The following PCDHGA4 variants were observed in gnomAD, a reference collection of about 807,000 sequenced individuals.
The protein encoded by PCDHGA4 is protocadherin gamma-A4.
Under a neutral mutation model 54.6 loss-of-function variants are expected in PCDHGA4, and 38 were observed. The observed-to-expected ratio is 0.70, with a 90% CI of 0.54 to 0.91. The LOEUF is 0.91. Ranked by LOEUF, PCDHGA4 falls within the 40% of genes least tolerant of loss-of-function variation. The pLI is 0.00. For missense variants in PCDHGA4, 1,298 were observed against 1,220.9 expected (o/e 1.06, Z -0.94); for synonymous variants, 511 against 512.9 (o/e 1.00, Z 0.05).
intron 1 of PCDHGA4, among the ~76,000 whole-genome samples, chr5:141,439,459 A>ACTG (rs1234039449): frequency 6.6e-6 from 1 of 152,222 alleles, no homozygotes; most frequent in Non-Finnish European, 1.5e-5. Flanking sequence ...GCAAGACTGC[A>ACTG]CTGCTGCCTT....
Position 141,511,229 on chromosome 5 carries a change from T to G in PCDHGA4, c.*56T>G. 6.3e-7 allele frequency: 1 copy of G among 1,598,500 alleles called. No homozygotes were observed. Among genetic ancestry groups the G allele is most frequent in the Non-Finnish European group, 8.5e-7 (1 of 1,172,476 alleles). On this transcript the variant is annotated 3_prime_UTR_variant, in exon 4 of 4. Transcript: ENST00000571252. ...GCCTCTCCCCAACCAGCCCAGCTTC[T>G]CCTTACCTGCACCCAGGCCTCAGAG...
In PCDHGA4 at chr5:141,433,322, T is replaced by A. The variant is rs907709272; in HGVS notation, c.2515-61485T>A. On this transcript the variant is annotated intron_variant, in intron 1 of 3. Transcript: ENST00000571252. ...AATTATCCCACCTTTGCCTCCGGTGTAACAGGGACTACAGGTGCAAGCCAC... is the reference window on the plus strand; with the variant it reads ...AATTATCCCACCTTTGCCTCCGGTGAAACAGGGACTACAGGTGCAAGCCAC... The A allele has an allele frequency of 5.3e-6, 4 of 760,298 alleles. No homozygotes were observed. In the African/African-American group the frequency reaches 7.1e-5, roughly 13 times the overall value. The allele number at this position is 760,298 out of a possible 1,614,324, so 47.1% of individuals were successfully genotyped here.
chr5:141,490,688 CTG>C lies in PCDHGA4; in HGVS notation c.2515-4118_2515-4117del. 6.2e-7 allele frequency: 1 copy of C among 1,614,218 alleles called. No homozygotes were observed. On this transcript the variant is annotated intron_variant, in intron 1 of 3. Coordinates refer to ENST00000571252, the MANE Select transcript of PCDHGA4 (RefSeq NM_018917.4). This position sits in a 1 kb window ranked among gnomAD's most constrained non-coding sequence, Gnocchi z 5.4. ...ACTGTGGCTGCCTCAGATCCAGACA[CTG>C]GGGATAATGCCCGCCTCACCTACTC... is the stretch of plus-strand genomic sequence containing the variant.
intron 1 of PCDHGA4, chr5:141,372,005 G>C (rs1768294094): frequency 1.2e-6 from 2 of 1,613,304 alleles, no homozygotes; most frequent in East Asian, 2.2e-5. Flanking sequence ...CCCGCGACCA[G>C]GGCTCGCCTA....
intron 1 of PCDHGA4, chr5:141,371,845 A>G: frequency 6.2e-7 from 1 of 1,613,664 alleles, no homozygotes; most frequent in Non-Finnish European, 8.5e-7. Flanking sequence ...TTGGGACCTA[A>G]TGGCCTTGTC....
chr5:141,375,606 A>C, intron 1 of PCDHGA4: 1 of 1,613,922 alleles, frequency 6.2e-7, no homozygotes, highest in Non-Finnish European at 8.5e-7. Context: ...GTGTCCATCA[A>C]CTCCGACACT....
chr5:141,487,596 A>T lies in PCDHGA4; in HGVS notation c.2515-7211A>T. The stretch of plus-strand genomic sequence containing the variant: ...GTTCGCCCAAGCTGCCCACCCTCTG[A>T]TCTTCTCTATGGGCTAGAGGTGAGA... On this transcript the variant is annotated intron_variant, in intron 1 of 3. Transcript: ENST00000571252. The surrounding 1 kb of genome is among the most constrained non-coding windows in gnomAD (Gnocchi z 5.0). The T allele has an allele frequency of 1.2e-6, 2 of 1,614,108 alleles. No individual in the cohort carries two copies. Among genetic ancestry groups the T allele is most frequent in the Non-Finnish European group, 8.5e-7 (1 of 1,180,024 alleles).
At chr5:141,364,229 C>T in intron 1 of PCDHGA4, 1 of 1,388,080 alleles carries the variant, frequency 7.2e-7, no homozygotes, top group Non-Finnish European at 9.6e-7. Context: ...GCCAACGCTC[C>T]ACGCCCATTT....
chr5:141,440,564 A>G (rs531383065), intron 1 of PCDHGA4: 1 of 152,248 alleles, frequency 6.6e-6, no homozygotes, highest in Admixed American at 6.5e-5. Context: ...TAAGTTACGT[A>G]TCTCTGAGTT....
Position 141,357,641 on chromosome 5 carries a change from G to A in PCDHGA4, c.2514+20G>A, listed in dbSNP as rs773379210. On this transcript the variant is annotated intron_variant, in intron 1 of 3. Coordinates refer to ENST00000571252, the MANE Select transcript of PCDHGA4 (RefSeq NM_018917.4). Reference sequence around the variant, plus strand: ...CTTCAGGTGAGTCAATCTTATAATAGATCATACCACACTGAAATATAGACA... The same window carrying A: ...CTTCAGGTGAGTCAATCTTATAATAAATCATACCACACTGAAATATAGACA... 6 of 1,611,778 alleles carry A rather than the reference G, an allele frequency of 3.7e-6. No individual in the cohort carries two copies. In the Admixed American group the frequency reaches 1.0e-4, roughly 27 times the overall value.
intron 1 of PCDHGA4, chr5:141,421,405 C>T (rs2096570069): frequency 6.2e-7 from 1 of 1,614,074 alleles, no homozygotes; most frequent in African/African-American, 1.3e-5. Context: ...GCCCCGGGAG[C>T]TGGCGAAGCG....
intron 1 of PCDHGA4, chr5:141,412,149 C>G (rs1369304212): frequency 2.0e-5 from 3 of 152,146 alleles, no homozygotes; most frequent in African/African-American, 7.2e-5. Flanking sequence ...TACAAACTGC[C>G]TAAGAGAAGA....
chr5:141,366,903 C>G (rs1018569016), intron 1 of PCDHGA4: 1 of 1,174,592 alleles, frequency 8.5e-7, no homozygotes, highest in Non-Finnish European at 1.2e-6. Flanking sequence ...TTCATGCTTT[C>G]TCCATTTGTT....
intron 2 of PCDHGA4, 103 bp from the exon 3 acceptor site, chr5:141,505,290 G>A: frequency 3.2e-6 from 5 of 1,564,680 alleles, no homozygotes; most frequent in Non-Finnish European, 4.3e-6. Context: ...TTGGGCATGG[G>A]GTAGGGTTAG....
At chr5:141,371,633 G>C in intron 1 of PCDHGA4, 1 of 1,614,040 alleles carries the variant, frequency 6.2e-7, no homozygotes, top group Non-Finnish European at 8.5e-7. Context: ...TGGACCGGGA[G>C]CAGATCCCAG....
At chr5:141,407,563 A>T (rs1483622352) in intron 1 of PCDHGA4, among the ~76,000 whole-genome samples, 1 of 152,032 alleles carries the variant, frequency 6.6e-6, no homozygotes, top group Non-Finnish European at 1.5e-5. Context: ...ACATAAGCTG[A>T]AAGATAAAAT....
intron 1 of PCDHGA4, among the ~76,000 whole-genome samples, chr5:141,449,673 G>A (rs7725811): frequency 0.049 from 7,346 of 150,528 alleles, 281 homozygotes; most frequent in African/African-American, 0.1. Flanking sequence ...AAGTGTGTAT[G>A]TATATATGTT....
At chr5:141,386,097 T>C (rs1216816786) in intron 1 of PCDHGA4, 9 of 152,236 alleles carry the variant, frequency 5.9e-5, no homozygotes, top group African/African-American at 2.2e-4. Flanking sequence ...AGATGAAGTG[T>C]GTCTGTGGGC....
At position 141,477,862 on chromosome 5, in the gene PCDHGA4, A is replaced by AGGT. The variant is rs753168325; in HGVS notation, c.2515-16944_2515-16942dup. 2.1e-5 allele frequency: 34 copies of AGGT among 1,613,138 alleles called. No individual in the cohort carries two copies. Among genetic ancestry groups the AGGT allele is most frequent in the Non-Finnish European group, 2.5e-5 (29 of 1,179,720 alleles). ...GGAGCTCGGTGGAGATGCTGCCTCG[A>AGGT]GGTACCTCAGCTGGCCACCTAGTGT... is the stretch of plus-strand genomic sequence containing the variant. On this transcript the variant is annotated intron_variant, in intron 1 of 3. Transcript: ENST00000571252. The surrounding 1 kb of genome is among the most constrained non-coding windows in gnomAD (Gnocchi z 4.9).
Sources: allele counts gnomAD v4.1 joint callset (sites outside exome capture counted in the v4.1 genomes callset), GRCh38; gene constraint gnomAD v4.1.1; non-coding constraint Gnocchi (gnomAD v3.1); transcripts MANE v1.5; gene names NCBI Gene and HGNC (gene_info 2026-07-23, HGNC 2026-07-21).